The following ASAP1 variants were observed in gnomAD, a reference collection of about 807,000 sequenced individuals.
The protein encoded by ASAP1 is arf-GAP with SH3 domain, ANK repeat and PH domain-containing protein 1.
In ASAP1, 43 loss-of-function variants were observed where a neutral mutation model predicts 145.2. The ratio of observed to expected loss-of-function variants is 0.30; its 90% confidence interval spans 0.23 to 0.38. The LOEUF is 0.38. Among genes scored for constraint, ASAP1 ranks in the 10% least tolerant of loss-of-function variants. The probability of loss-of-function intolerance (pLI) is 1.00; values close to 1 mark genes in which losing one functional copy is unlikely to be tolerated. For synonymous variants in ASAP1, 546 were observed against 515.5 expected (o/e 1.06, Z -0.80); for missense variants, 1,018 against 1,355.3 (o/e 0.75, Z 3.91).
At chr8:130,199,045 G>A (rs1195845252) in intron 5 of ASAP1, among the ~76,000 whole-genome samples, 2 of 152,134 alleles carry the variant, frequency 1.3e-5, no homozygotes, top group African/African-American at 4.8e-5. Flanking sequence ...CTGTCTCCAT[G>A]TCACTTTCTC....
At chr8:130,295,310 A>G (rs777444676) in intron 3 of ASAP1, among the ~76,000 whole-genome samples, 13 of 152,062 alleles carry the variant, frequency 8.5e-5, no homozygotes, top group South Asian at 4.2e-4. Flanking sequence ...TCTCTCCCAG[A>G]TAAGTTTAAA....
intron 5 of ASAP1, 98 bp from the exon 6 acceptor site, chr8:130,188,281 GCT>G: frequency 1.1e-6 from 1 of 941,888 alleles, no homozygotes. Flanking sequence ...CACACACCAG[GCT>G]CTGTTGAAGG....
intron 5 of ASAP1, among the ~76,000 whole-genome samples, chr8:130,213,461 C>T (rs1476224510): frequency 6.6e-6 from 1 of 152,126 alleles, no homozygotes; most frequent in Non-Finnish European, 1.5e-5. Flanking sequence ...GTAAACTAAC[C>T]TTTTGTATCT....
chr8:130,282,775 A>G (rs760784588), intron 3 of ASAP1, among the ~76,000 whole-genome samples: 2 of 152,212 alleles, frequency 1.3e-5, no homozygotes, highest in Non-Finnish European at 2.9e-5. Context: ...TGGTGGGGGT[A>G]GACAACTAAA....
chr8:130,157,252 G>T (rs1426395778), intron 12 of ASAP1, among the ~76,000 whole-genome samples: 1 of 152,196 alleles, frequency 6.6e-6, no homozygotes, highest in Non-Finnish European at 1.5e-5. Context: ...TGAATTGTTA[G>T]TTGGGATTTC....
At chr8:130,284,842 T>TACACAC (rs34799517) in intron 3 of ASAP1, among the ~76,000 whole-genome samples, 27,763 of 141,396 alleles carry the variant, frequency 0.2, 3,032 homozygotes, top group East Asian at 0.34. Flanking sequence ...TTTTACACTC[T>TACACAC]ACACACACAC....
intron 13 of ASAP1, among the ~76,000 whole-genome samples, chr8:130,142,149 AG>A (rs2097613435): frequency 6.6e-6 from 1 of 152,250 alleles, no homozygotes; most frequent in African/African-American, 2.4e-5. Context: ...AGAAAGGTTA[AG>A]TAACATTCCT....
At chr8:130,066,920 C>T (rs2097432121) in intron 27 of ASAP1, among the ~76,000 whole-genome samples, 1 of 152,162 alleles carries the variant, frequency 6.6e-6, no homozygotes. Flanking sequence ...AGGCCCTTTC[C>T]CAAAGCTGCA....
chr8:130,253,206 C>G (rs1326223274), intron 3 of ASAP1, among the ~76,000 whole-genome samples: 1 of 152,170 alleles, frequency 6.6e-6, no homozygotes, highest in East Asian at 1.9e-4. Context: ...TGGTCAAATC[C>G]TAGCTCCACT....
intron 1 of ASAP1, among the ~76,000 whole-genome samples, chr8:130,412,372 G>A (rs1254939072): frequency 2.0e-5 from 3 of 152,030 alleles, no homozygotes; most frequent in African/African-American, 7.2e-5. Context: ...TCCGTGAGAT[G>A]TGTCGTTTAA....
At chr8:130,148,995 C>A (rs1425592384) in intron 13 of ASAP1, among the ~76,000 whole-genome samples, 1 of 150,908 alleles carries the variant, frequency 6.6e-6, no homozygotes, top group Non-Finnish European at 1.5e-5. Context: ...CACCATCATG[C>A]CCAGCTAATT....
intron 11 of ASAP1, among the ~76,000 whole-genome samples, chr8:130,162,123 C>T (rs2097670459): frequency 6.6e-6 from 1 of 152,124 alleles, no homozygotes; most frequent in Non-Finnish European, 1.5e-5. Context: ...TAATCAGGGC[C>T]TATAGCCTTG....
chr8:130,256,334 T>C (rs1245455239), intron 3 of ASAP1, among the ~76,000 whole-genome samples: 1 of 147,634 alleles, frequency 6.8e-6, no homozygotes, highest in African/African-American at 2.5e-5. Flanking sequence ...CCCTTGTCCC[T>C]AGCTCATACA....
At chr8:130,141,632 T>C (rs2097611741) in intron 13 of ASAP1, among the ~76,000 whole-genome samples, 1 of 152,182 alleles carries the variant, frequency 6.6e-6, no homozygotes. Flanking sequence ...ATGGCAGCCT[T>C]GACCTCCCAG....
intron 3 of ASAP1, among the ~76,000 whole-genome samples, chr8:130,338,128 C>T (rs1825151607): frequency 1.3e-5 from 2 of 152,162 alleles, no homozygotes; most frequent in South Asian, 2.1e-4. Context: ...TACATGCATT[C>T]GTTCACCTCA....
chr8:130,360,831 G>T (rs58862052), intron 2 of ASAP1: 1 of 152,122 alleles, frequency 6.6e-6, no homozygotes, highest in African/African-American at 2.4e-5. Flanking sequence ...GACAGAACAT[G>T]GTCTTTTGAA....
chr8:130,199,927 T>C (rs542231351), intron 5 of ASAP1, among the ~76,000 whole-genome samples: 2 of 152,346 alleles, frequency 1.3e-5, no homozygotes, highest in Admixed American at 6.5e-5. Context: ...TTTTTTAGTA[T>C]AGTCCATCCA....
chr8:130,175,225 T>C (rs1813871507), intron 9 of ASAP1, among the ~76,000 whole-genome samples: 1 of 152,150 alleles, frequency 6.6e-6, no homozygotes, highest in South Asian at 2.1e-4. Context: ...TTTGTGTGTG[T>C]GTGTGTACAA....
At chr8:130,070,119 C>T (rs2097439476) in intron 27 of ASAP1, among the ~76,000 whole-genome samples, 1 of 152,108 alleles carries the variant, frequency 6.6e-6, no homozygotes. Flanking sequence ...TCACTGCAAG[C>T]TCCGCCTCCC....
Sources: allele counts gnomAD v4.1 joint callset (sites outside exome capture counted in the v4.1 genomes callset), GRCh38; gene constraint gnomAD v4.1.1; transcripts MANE v1.5; gene names NCBI Gene and HGNC (gene_info 2026-07-23, HGNC 2026-07-21).